Variants in DNAJC1 observed in about 807,000 individuals in gnomAD.
DNAJC1 encodes the protein dnaJ homolog subfamily C member 1.
DNAJC1 carries 58 observed loss-of-function variants against 76.6 expected under a neutral mutation model. The ratio of observed to expected loss-of-function variants is 0.76; its 90% confidence interval spans 0.61 to 0.94. DNAJC1 has a LOEUF of 0.94. Ranked by LOEUF, DNAJC1 falls within the 40% of genes least tolerant of loss-of-function variation. DNAJC1 has a pLI of 0.00. For missense variants in DNAJC1, 689 were observed against 677.3 expected, an observed-to-expected ratio of 1.02 and a Z score of -0.19; for synonymous variants, 258 against 267.9, an observed-to-expected ratio of 0.96 and a Z score of 0.36.
At chr10:21,760,026 C>T (rs1238519666) in intron 10 of DNAJC1, among the ~76,000 whole-genome samples, 1 of 152,228 alleles carries the variant, frequency 6.6e-6, no homozygotes, top group African/African-American at 2.4e-5. Flanking sequence ...AACCTTAAAA[C>T]TGTGCTGCCT....
chr10:21,863,557 AC>A (rs1835950251), intron 8 of DNAJC1, among the ~76,000 whole-genome samples: 1 of 152,132 alleles, frequency 6.6e-6, no homozygotes, highest in Non-Finnish European at 1.5e-5. Context: ...TTAAAATAAA[AC>A]TAAATTATAG....
At chr10:21,960,977 T>A (rs1443183739) in intron 1 of DNAJC1, among the ~76,000 whole-genome samples, 2 of 152,170 alleles carry the variant, frequency 1.3e-5, no homozygotes, top group Non-Finnish European at 2.9e-5. Context: ...ATGAAGTATA[T>A]GAAAATATGC....
At chr10:21,789,903 G>C (rs1005922966) in intron 9 of DNAJC1, among the ~76,000 whole-genome samples, 1 of 148,950 alleles carries the variant, frequency 6.7e-6, no homozygotes, top group African/African-American at 2.5e-5. Flanking sequence ...CCAGCTACTA[G>C]AGAGGCTGAA....
chr10:21,800,973 TA>T (rs1834806742), intron 9 of DNAJC1, among the ~76,000 whole-genome samples: 1 of 152,114 alleles, frequency 6.6e-6, no homozygotes, highest in African/African-American at 2.4e-5. Context: ...GGTAAAAACA[TA>T]TAAGTATGGA....
At chr10:21,852,939 T>C (rs190543289) in intron 8 of DNAJC1, among the ~76,000 whole-genome samples, 7 of 152,278 alleles carry the variant, frequency 4.6e-5, no homozygotes, top group Admixed American at 6.5e-5. Context: ...TAGTTAGCTA[T>C]GATTTTCAGC....
At chr10:21,891,340 A>G (rs1564818935) in intron 7 of DNAJC1, among the ~76,000 whole-genome samples, 1 of 152,070 alleles carries the variant, frequency 6.6e-6, no homozygotes, top group East Asian at 1.9e-4. Context: ...TGGAAATGTC[A>G]GAATTGATGT....
At chr10:21,943,047 G>A (rs1459327694) in intron 1 of DNAJC1, among the ~76,000 whole-genome samples, 2 of 151,294 alleles carry the variant, frequency 1.3e-5, no homozygotes, top group South Asian at 2.1e-4. Flanking sequence ...TTTTTTTCAA[G>A]ACAGAAATAA....
chr10:21,916,214 C>T (rs563233025), intron 6 of DNAJC1, among the ~76,000 whole-genome samples: 69 of 152,202 alleles, frequency 4.5e-4, no homozygotes, highest in African/African-American at 1.6e-3. Context: ...AAAACAATGG[C>T]CAGGTGCAGT....
intron 3 of DNAJC1, among the ~76,000 whole-genome samples, chr10:21,923,945 A>G (rs1399177612): frequency 6.6e-6 from 1 of 152,064 alleles, no homozygotes; most frequent in Non-Finnish European, 1.5e-5. Context: ...TCTGTATATT[A>G]TGAAAATGAA....
At chr10:21,838,134 C>T (rs918530239) in intron 8 of DNAJC1, among the ~76,000 whole-genome samples, 1 of 152,078 alleles carries the variant, frequency 6.6e-6, no homozygotes, top group African/African-American at 2.4e-5. Flanking sequence ...TACCCAACAG[C>T]TCATTGAGAA....
intron 1 of DNAJC1, among the ~76,000 whole-genome samples, chr10:21,975,029 G>A (rs1838039692): frequency 6.6e-6 from 1 of 151,922 alleles, no homozygotes; most frequent in Admixed American, 6.6e-5. Flanking sequence ...TATGAAAATG[G>A]TATGGAAGTA....
At chr10:21,997,481 C>T (rs1033925359) in intron 1 of DNAJC1, among the ~76,000 whole-genome samples, 2 of 152,252 alleles carry the variant, frequency 1.3e-5, no homozygotes, top group African/African-American at 2.4e-5. Flanking sequence ...AGACTGATTC[C>T]CACTACTCAT....
At chr10:21,900,996 T>G (rs1590040152) in intron 7 of DNAJC1, among the ~76,000 whole-genome samples, 1 of 152,204 alleles carries the variant, frequency 6.6e-6, no homozygotes, top group Non-Finnish European at 1.5e-5. Context: ...AATTTTCTCA[T>G]CCTGCCACAC....
chr10:21,943,025 G>A (rs1837444502), intron 1 of DNAJC1, among the ~76,000 whole-genome samples: 1 of 151,422 alleles, frequency 6.6e-6, no homozygotes, highest in South Asian at 2.1e-4. Flanking sequence ...CAACTGACAA[G>A]TTAAAAAAAT....
chr10:21,919,665 A>C (rs912363949), intron 5 of DNAJC1, among the ~76,000 whole-genome samples, 167 bp downstream of exon 5: 1 of 151,996 alleles, frequency 6.6e-6, no homozygotes, highest in Non-Finnish European at 1.5e-5. Context: ...CATTTTGCTT[A>C]AGATTAGAAC....
In DNAJC1 at chr10:21,959,039, G is replaced by A. The variant is rs547936091; in HGVS notation, c.223-29898C>T. ...TCAGTACAGAATGCATGGAAGGTAT[G>A]AGGAATTGGCCTTTCTAGTTCAACT... is the stretch of plus-strand genomic sequence containing the variant. On this transcript the variant is annotated intron_variant, in intron 1 of 11. Coordinates refer to ENST00000376980, the MANE Select transcript of DNAJC1 (RefSeq NM_022365.4). Among the ~76,000 whole-genome samples, 15 of 152,242 alleles carry A rather than the reference G, an allele frequency of 9.9e-5. No homozygotes were observed. The East Asian group carries it at 2.7e-3, about 27-fold the overall frequency.
At chr10:21,999,600 G>A (rs767246120) in intron 1 of DNAJC1, among the ~76,000 whole-genome samples, 5 of 151,882 alleles carry the variant, frequency 3.3e-5, no homozygotes, top group Admixed American at 2.0e-4. Context: ...GATTCCAGGC[G>A]CCTGCCACCA....
At position 21,759,386 on chromosome 10, in the gene DNAJC1, C is replaced by T. The variant is rs1453052915; in HGVS notation, c.1380G>A (p.Glu460=). 5 of 1,614,222 alleles carry T rather than the reference C, an allele frequency of 3.1e-6. No homozygotes were observed. The Admixed American group carries it at 5.0e-5, about 16-fold the overall frequency. Residue 460 remains glutamate, a synonymous_variant, in exon 11 of 12, where the codon GAG becomes GAA. Transcript: ENST00000376980. ...LLEATAKPEP[E]EKSRAKRQKD... The stretch of plus-strand genomic sequence containing the variant: ...TCTGCCGCTTGGCTCTGGACTTCTC[C>T]TCTGGCTCCGGCTTCGCTGTAGCCT...
intron 8 of DNAJC1, among the ~76,000 whole-genome samples, chr10:21,880,299 G>A (rs1235290591): frequency 2.0e-5 from 3 of 152,170 alleles, no homozygotes; most frequent in Non-Finnish European, 4.4e-5. Context: ...CTAATCTCCT[G>A]TTAATGTCAA....
Sources: gnomAD v4.1 joint callset for allele counts (sites outside exome capture counted in the v4.1 genomes callset) on GRCh38, gnomAD v4.1.1 for gene constraint, MANE v1.5 for transcripts, NCBI Gene and HGNC (gene_info 2026-07-23, HGNC 2026-07-21) for gene names.